SMIM24: variants seen among roughly 807,000 people sequenced by gnomAD.
SMIM24 encodes the protein small integral membrane protein 24, also known as MAP17-related dimer.
In SMIM24, 6 loss-of-function variants were observed where a neutral mutation model predicts 10.8. The ratio of observed to expected loss-of-function variants is 0.55; its 90% confidence interval spans 0.30 to 1.09. The LOEUF is 1.09. Among genes scored for constraint, SMIM24 ranks in the 50% least tolerant of loss-of-function variants. The pLI is 0.06. For missense variants in SMIM24, 151 were observed against 153.4 expected (o/e 0.98, Z 0.08); for synonymous variants, 71 against 62.4 (o/e 1.14, Z -0.65).
chr19:3,475,057 C>T, intron 3 of SMIM24, 61 bp from the exon 4 acceptor site: 1 of 1,519,092 alleles, frequency 6.6e-7, no homozygotes, highest in Non-Finnish European at 8.9e-7. Context: ...ATTTAATGGC[C>T]ACTCACTTGA....
chr19:3,478,419 C>T lies in SMIM24; in HGVS notation c.239G>A (p.Ser80Asn). The change falls in exon 3 of 4, where the codon AGT becomes AAT. Residue 80 changes from serine to asparagine, a missense_variant and splice_region_variant. Ser to Asn is a conservative substitution (Grantham distance 46, BLOSUM62 1). Transcript: ENST00000215531. ...RMESNLYQDQ[S>N]EDKREKKEAK... is the part of the protein sequence containing the mutation. ...CCCCCAGCATCCGCACGCATAGTAC[C>T]TCTGGTCCTGGTATAGGTTGGACTC... 6.5e-7 allele frequency: 1 copy of T among 1,548,888 alleles called. No individual in the cohort carries two copies. Among genetic ancestry groups the T allele is most frequent in the Non-Finnish European group, 8.7e-7 (1 of 1,146,082 alleles).
chr19:3,475,871 GATGA>G (rs2082790251), intron 3 of SMIM24, among the ~76,000 whole-genome samples: 1 of 151,188 alleles, frequency 6.6e-6, no homozygotes, highest in Non-Finnish European at 1.5e-5. Context: ...TGGGTGGATG[GATGA>G]ATGAATGGGT....
chr19:3,478,230 G>A (rs1187688335), intron 3 of SMIM24, among the ~76,000 whole-genome samples, 189 bp downstream of exon 3: 1 of 152,188 alleles, frequency 6.6e-6, no homozygotes, highest in Non-Finnish European at 1.5e-5. Flanking sequence ...GAAGGCTGGT[G>A]GCCAGGCTGG....
chr19:3,475,612 T>C (rs935193184), intron 3 of SMIM24, among the ~76,000 whole-genome samples: 5 of 136,320 alleles, frequency 3.7e-5, no homozygotes, highest in African/African-American at 1.4e-4. Flanking sequence ...GATGGGTGAG[T>C]GGATAGTTGA....
rs377295257 is a variant in SMIM24 at position 3,478,839 on chromosome 19, C to T, written c.158G>A (p.Arg53His). 5.3e-4 allele frequency: 816 copies of T among 1,549,372 alleles called. 6 individuals carry two copies. In the South Asian group the frequency reaches 9.2e-3, roughly 18 times the overall value. Residue 53 changes from arginine (R) to histidine (H), a missense_variant, in exon 2 of 4, where the codon CGC becomes CAC. Coordinates refer to ENST00000215531, the MANE Select transcript of SMIM24 (RefSeq NM_001136503.2). ...CCACCTGGCCTTGGAACACCAGAGGCGGTTGGCCAGCAAGACCAAATAGAC... is the reference window on the plus strand; with the variant it reads ...CCACCTGGCCTTGGAACACCAGAGGTGGTTGGCCAGCAAGACCAAATAGAC... ...FIVYLVLLAN[R>H]LWCSKARAED... is the part of the protein sequence containing the mutation.
At position 3,480,441 on chromosome 19, in the gene SMIM24, A is replaced by G; in HGVS notation, c.23T>C (p.Leu8Pro). Reference sequence around the variant, plus strand: ...GGAGAGGAGCAGAAACTCCAGCACCAGAAGGGCCCCCAGGGTCTCCATGAC... The same window carrying G: ...GGAGAGGAGCAGAAACTCCAGCACCGGAAGGGCCCCCAGGGTCTCCATGAC... Reference protein sequence around the residue: METLGALLVLEFLLLSPV... With the variant: METLGALPVLEFLLLSPV... Residue 8 changes from leucine (L) to proline (P), a missense_variant, in exon 1 of 4, where the codon CTG (leucine) becomes CCG (proline). Coordinates refer to ENST00000215531, the MANE Select transcript of SMIM24 (RefSeq NM_001136503.2). The G allele has an allele frequency of 6.6e-7, 1 of 1,526,432 alleles. No individual in the cohort carries two copies. The highest frequency in any genetic ancestry group is 1.2e-5 in the South Asian group (1 of 83,348). The allele number at this position is 1,526,432 out of a possible 1,614,324, so 94.6% of individuals were successfully genotyped here.
At chr19:3,476,548 G>A (rs1287917843) in intron 3 of SMIM24, among the ~76,000 whole-genome samples, 1 of 152,078 alleles carries the variant, frequency 6.6e-6, no homozygotes, top group African/African-American at 2.4e-5. Flanking sequence ...AGATCCCCCA[G>A]TACATCCTGG....
chr19:3,474,677 C>T lies in SMIM24; in HGVS notation c.*166G>A. 1.2e-6 allele frequency: 1 copy of T among 802,368 alleles called. No homozygotes were observed. The highest frequency in any genetic ancestry group is 1.9e-6 in the Non-Finnish European group (1 of 535,116). The allele number at this position is 802,368 out of a possible 1,614,324, so 49.7% of individuals were successfully genotyped here. A position where few individuals can be genotyped will look rare whatever the true frequency, so the allele number is the denominator to read the frequency against. On this transcript the variant is annotated 3_prime_UTR_variant, in exon 4 of 4. Coordinates refer to ENST00000215531, the MANE Select transcript of SMIM24 (RefSeq NM_001136503.2). The stretch of plus-strand genomic sequence containing the variant: ...ATGAAAACCATGTTTGCCCAGAGAG[C>T]CCCCAATGAGGGAGGTGGGGTGGGT...
intron 3 of SMIM24, 46 bp downstream of exon 3, chr19:3,478,373 C>A: frequency 6.6e-7 from 1 of 1,509,144 alleles, no homozygotes; most frequent in Non-Finnish European, 8.9e-7. Flanking sequence ...TTCCCCCACC[C>A]CGAGGAGGGG....
rs1032899811 is a variant in SMIM24 at position 3,478,871 on chromosome 19, C to A, written c.126G>T (p.Leu42=). 1 of 1,549,822 alleles carries A rather than the reference C, an allele frequency of 6.5e-7. No homozygotes were observed. The highest frequency in any genetic ancestry group is 1.4e-5 in the African/African-American group (1 of 72,978). ...CCAGCAAGACCAAATAGACGATGAA[C>A]AGGAAGCCGACTACCGCAGCCAGGC... ...LVGLAAVVGF[L]FIVYLVLLAN... Residue 42 remains leucine, a synonymous_variant, in exon 2 of 4, where the codon CTG becomes CTT. Transcript: ENST00000215531.
rs2082783341 is a variant in SMIM24, at chr19:3,474,051, CAGG to C, written c.*789_*791del. ...AGGGCCTGGAGAAGGTGAGGGGAAG[CAGG>C]AGAACAGAAACTGGGAAAAGGAAGT... On this transcript the variant is annotated 3_prime_UTR_variant, in exon 4 of 4. Coordinates refer to ENST00000215531, the MANE Select transcript of SMIM24 (RefSeq NM_001136503.2). 1 of 152,344 alleles carries C rather than the reference CAGG, an allele frequency of 6.6e-6. No individual in the cohort carries two copies. The highest frequency in any genetic ancestry group is 1.5e-5 in the Non-Finnish European group (1 of 68,242). 9.4% of individuals were successfully genotyped at this position (152,344 alleles called of 1,614,324 possible).
chr19:3,479,104 G>C, intron 1 of SMIM24, 175 bp from the exon 2 acceptor site: 1 of 540,448 alleles, frequency 1.9e-6, no homozygotes, highest in Non-Finnish European at 3.3e-6. Context: ...GGAGGGTTTA[G>C]AGAGGGGGAG....
At chr19:3,479,595 A>T (rs1284883159) in intron 1 of SMIM24, among the ~76,000 whole-genome samples, 1 of 132,178 alleles carries the variant, frequency 7.6e-6, no homozygotes, top group Non-Finnish European at 1.6e-5. Context: ...AAGAAGGAGG[A>T]GCTCAGAGGG....
chr19:3,480,148 C>T (rs2082812231), intron 1 of SMIM24, among the ~76,000 whole-genome samples: 1 of 150,410 alleles, frequency 6.6e-6, no homozygotes, highest in Non-Finnish European at 1.5e-5. Context: ...GGGGGTTCAG[C>T]CAGGTGTGCT....
chr19:3,475,350 A>G (rs947496562), intron 3 of SMIM24, among the ~76,000 whole-genome samples: 8 of 152,210 alleles, frequency 5.3e-5, no homozygotes, highest in African/African-American at 1.7e-4. Context: ...CATTGCAACT[A>G]AGACTCAACT....
intron 1 of SMIM24, 180 bp from the exon 2 acceptor site, chr19:3,479,109 G>C: frequency 1.9e-6 from 1 of 527,226 alleles, no homozygotes; most frequent in Non-Finnish European, 3.4e-6. Flanking sequence ...GTTTAGAGAG[G>C]GGGAGGGTAC....
intron 3 of SMIM24, 109 bp from the exon 4 acceptor site, chr19:3,475,105 C>T (rs2082787439): frequency 7.9e-7 from 1 of 1,261,174 alleles, no homozygotes; most frequent in African/African-American, 1.5e-5. Context: ...AGCGGTATCT[C>T]AGTGAATCTT....
At chr19:3,479,256 G>A (rs2082806770) in intron 1 of SMIM24, among the ~76,000 whole-genome samples, 1 of 151,162 alleles carries the variant, frequency 6.6e-6, no homozygotes, top group African/African-American at 2.4e-5. Context: ...AGAGGCTCAG[G>A]GGGAGGGGCT....
chr19:3,476,738 CTGGA>C (rs35402201), intron 3 of SMIM24, among the ~76,000 whole-genome samples: 2 of 150,718 alleles, frequency 1.3e-5, no homozygotes, highest in South Asian at 2.1e-4. Context: ...GCCCCCAGCC[CTGGA>C]TGGATGGATG....
Sources: allele counts gnomAD v4.1 joint callset (sites outside exome capture counted in the v4.1 genomes callset), GRCh38; gene constraint gnomAD v4.1.1; transcripts MANE v1.5; gene names NCBI Gene and HGNC (gene_info 2026-07-23, HGNC 2026-07-21).